DTX1: variants seen among roughly 807,000 people sequenced by gnomAD.
DTX1 encodes the protein E3 ubiquitin-protein ligase DTX1.
A neutral mutation model predicts 57.8 loss-of-function variants in DTX1; 26 were observed. The observed-to-expected ratio is 0.45, with a 90% CI of 0.33 to 0.62. The LOEUF is 0.62. Among genes scored for constraint, DTX1 ranks in the 20% least tolerant of loss-of-function variants. The pLI, the probability that DTX1 is intolerant of heterozygous loss-of-function variation, is 0.02. For missense variants in DTX1, 704 were observed against 895.3 expected (o/e 0.79, Z 2.73); for synonymous variants, 398 against 394.1 (o/e 1.01, Z -0.12).
At chr12:113,078,625 C>T (rs1052757295) in intron 3 of DTX1, among the ~76,000 whole-genome samples, 3 of 152,128 alleles carry the variant, frequency 2.0e-5, no homozygotes, top group Non-Finnish European at 4.4e-5. Flanking sequence ...AGCTATGGTG[C>T]CTTCTCAGGG....
In DTX1 at chr12:113,093,727, C is replaced by T. The variant is rs754064729; in HGVS notation, c.1165+27C>T. The T allele has an allele frequency of 4.2e-5, 68 of 1,610,230 alleles. No homozygotes were observed. Among genetic ancestry groups the T allele is most frequent in the Non-Finnish European group, 5.7e-5 (67 of 1,177,872 alleles). The stretch of plus-strand genomic sequence containing the variant: ...TACGCCCTCCACGCCCTGCCTCACA[C>T]GAGATGAACCCCACTAAGCCTTGAC... On this transcript the variant is annotated intron_variant, in intron 5 of 9. Coordinates refer to ENST00000548759, the MANE Select transcript of DTX1 (RefSeq NM_004416.3). The surrounding 1 kb of genome is among the most constrained non-coding windows in gnomAD (Gnocchi z 4.2).
intron 2 of DTX1, among the ~76,000 whole-genome samples, chr12:113,064,511 C>T (rs977188889): frequency 2.0e-5 from 3 of 152,144 alleles, no homozygotes; most frequent in Non-Finnish European, 4.4e-5. Flanking sequence ...GTTTCAGAGT[C>T]TAGTGAAGGT....
intron 6 of DTX1, 21 bp downstream of exon 6, chr12:113,094,120 C>A: frequency 7.6e-6 from 4 of 528,222 alleles, no homozygotes; most frequent in South Asian, 1.6e-5. Flanking sequence ...GATGGGGGGG[C>A]TGGGGGAGGG....
In DTX1 at chr12:113,096,991, C is replaced by T; in HGVS notation, c.*52C>T. Reference sequence around the variant, plus strand: ...TGCTTTGCCCCTGGTCCGGCAAATGCCTCCTTCGCCAGGTGTGTCCTGGTA... The same window carrying T: ...TGCTTTGCCCCTGGTCCGGCAAATGTCTCCTTCGCCAGGTGTGTCCTGGTA... On this transcript the variant is annotated 3_prime_UTR_variant, in exon 10 of 10. Coordinates refer to ENST00000548759, the MANE Select transcript of DTX1 (RefSeq NM_004416.3). The T allele has an allele frequency of 1.3e-6, 2 of 1,531,518 alleles. No individual in the cohort carries two copies. Among genetic ancestry groups the T allele is most frequent in the Non-Finnish European group, 1.8e-6 (2 of 1,138,802 alleles). The allele number at this position is 1,531,518 out of a possible 1,614,324, so 94.9% of individuals were successfully genotyped here.
At chr12:113,066,933 T>C (rs923377465) in intron 2 of DTX1, among the ~76,000 whole-genome samples, 5 of 151,976 alleles carry the variant, frequency 3.3e-5, no homozygotes. Context: ...CATAGTTGTG[T>C]CCTTGCTCGG....
At chr12:113,078,141 C>T (rs1395108909) in intron 3 of DTX1, 36 bp downstream of exon 3, 29 of 1,317,374 alleles carry the variant, frequency 2.2e-5, no homozygotes, top group Non-Finnish European at 2.6e-5. Flanking sequence ...GCCTCTGCGT[C>T]GTCCGCAGGC....
chr12:113,079,261 G>A (rs909487635), intron 3 of DTX1, among the ~76,000 whole-genome samples: 1 of 152,182 alleles, frequency 6.6e-6, no homozygotes, highest in African/African-American at 2.4e-5. Context: ...AAGAGGAAGA[G>A]AGGGCACCCA....
rs1950332021 is a variant in DTX1, at chr12:113,097,872, C to T, written c.*933C>T. On this transcript the variant is annotated 3_prime_UTR_variant, in exon 10 of 10. Transcript: ENST00000548759. ...GGGTGGCTAATTGTCTTCGGCCAAC[C>T]AGGGGCCTGTTGCCCAGGCAACTCA... is the stretch of plus-strand genomic sequence containing the variant. The T allele has an allele frequency of 6.5e-6, 1 of 152,742 alleles. No individual in the cohort carries two copies. Among genetic ancestry groups the T allele is most frequent in the African/African-American group, 2.4e-5 (1 of 41,472 alleles). 9.5% of individuals were successfully genotyped at this position (152,742 alleles called of 1,614,324 possible). A position where few individuals can be genotyped will look rare whatever the true frequency, so the allele number is the denominator to read the frequency against.
chr12:113,065,539 C>T (rs2044698303), intron 2 of DTX1, among the ~76,000 whole-genome samples: 1 of 152,200 alleles, frequency 6.6e-6, no homozygotes, highest in Non-Finnish European at 1.5e-5. Context: ...CTTCTTCCCT[C>T]CCTCCTCCTC....
At chr12:113,087,414 G>A (rs2044869293) in intron 3 of DTX1, among the ~76,000 whole-genome samples, 1 of 152,140 alleles carries the variant, frequency 6.6e-6, no homozygotes, top group African/African-American at 2.4e-5. Flanking sequence ...GGTCCCCCGG[G>A]CTTGCAGCGA....
intron 2 of DTX1, among the ~76,000 whole-genome samples, chr12:113,072,573 G>A (rs2044743737): frequency 6.6e-6 from 1 of 151,642 alleles, no homozygotes; most frequent in African/African-American, 2.4e-5. Context: ...TTGCCTATAC[G>A]TTATCTCATT....
intron 2 of DTX1, among the ~76,000 whole-genome samples, chr12:113,073,008 G>C (rs528735047): frequency 6.6e-6 from 1 of 151,864 alleles, no homozygotes; most frequent in Admixed American, 6.6e-5. Context: ...CACCTGGCTC[G>C]ACCCGAGAGA....
At chr12:113,082,401 G>A (rs2044825320) in intron 3 of DTX1, among the ~76,000 whole-genome samples, 1 of 152,170 alleles carries the variant, frequency 6.6e-6, no homozygotes, top group South Asian at 2.1e-4. Flanking sequence ...AGGAAGATAG[G>A]GGTGGCAGAC....
chr12:113,087,396 G>A (rs1218428129), intron 3 of DTX1, among the ~76,000 whole-genome samples: 2 of 152,114 alleles, frequency 1.3e-5, no homozygotes, highest in Admixed American at 6.6e-5. Context: ...AGGAGTCCAT[G>A]GGCACCTGGT....
rs1365832564 is a variant in DTX1, at chr12:113,073,548, G to A, written c.260-3876G>A. Among the ~76,000 whole-genome samples, 3 of 152,050 alleles carry A rather than the reference G, an allele frequency of 2.0e-5. 1 individual carries two copies. The highest frequency in any genetic ancestry group is 4.2e-4 in the South Asian group (2 of 4,808). On this transcript the variant is annotated intron_variant, in intron 2 of 9. Transcript: ENST00000548759. The stretch of plus-strand genomic sequence containing the variant: ...CCAACCTCTCCACCTCTTCAACCCC[G>A]CCCCTTTCATATCAATAGCCATAGC...
In DTX1 at chr12:113,097,561, C is replaced by G. The variant is rs140229626; in HGVS notation, c.*622C>G. 2.0e-5 allele frequency: 3 copies of G among 152,382 alleles called. No individual in the cohort carries two copies. The highest frequency in any genetic ancestry group is 4.1e-4 in the South Asian group (2 of 4,832). 9.4% of individuals were successfully genotyped at this position (152,382 alleles called of 1,614,324 possible). A position where few individuals can be genotyped will look rare whatever the true frequency, so the allele number is the denominator to read the frequency against. On this transcript the variant is annotated 3_prime_UTR_variant, in exon 10 of 10. Coordinates refer to ENST00000548759, the MANE Select transcript of DTX1 (RefSeq NM_004416.3). ...TCTACAAAAGAATGGCCAGCACGAG[C>G]GGGGACTAGAGGGTCCTGATTTTGT...
At position 113,077,130 on chromosome 12, in the gene DTX1, C is replaced by T. The variant is rs1189606763; in HGVS notation, c.260-294C>T. 6.6e-6 allele frequency among the ~76,000 whole-genome samples: 1 copy of T among 152,148 alleles called. No individual in the cohort carries two copies. Among genetic ancestry groups the T allele is most frequent in the Non-Finnish European group, 1.5e-5 (1 of 68,022 alleles). ...CCCTACGCCCAATCTACTGACCACGCGCCCCTGCCCACCTCTCGCCCCAGT... is the reference window on the plus strand; with the variant it reads ...CCCTACGCCCAATCTACTGACCACGTGCCCCTGCCCACCTCTCGCCCCAGT... On this transcript the variant is annotated intron_variant, in intron 2 of 9. Transcript: ENST00000548759. The surrounding 1 kb of genome is among the most constrained non-coding windows in gnomAD (Gnocchi z 7.8).
rs1328066266 is a variant in DTX1 at position 113,093,122 on chromosome 12, G to T, written c.942-40G>T. 1 of 1,562,390 alleles carries T rather than the reference G, an allele frequency of 6.4e-7. No individual in the cohort carries two copies. The highest frequency in any genetic ancestry group is 8.7e-7 in the Non-Finnish European group (1 of 1,153,104). ...CCAGGTCCCCTGACGTCGCTTCGGG[G>T]GCTGGAGTCCAGCTGCGGCCTCTTC... On this transcript the variant is annotated intron_variant, in intron 3 of 9. Transcript: ENST00000548759. The surrounding 1 kb of genome is among the most constrained non-coding windows in gnomAD (Gnocchi z 4.2).
chr12:113,071,828 A>G (rs1458271984), intron 2 of DTX1, among the ~76,000 whole-genome samples: 2 of 152,200 alleles, frequency 1.3e-5, no homozygotes, highest in Admixed American at 6.5e-5. Flanking sequence ...CCCAGCGGGG[A>G]GGACAGCAGC....
Sources: gnomAD v4.1 joint callset for allele counts (sites outside exome capture counted in the v4.1 genomes callset) on GRCh38, gnomAD v4.1.1 for gene constraint, Gnocchi (gnomAD v3.1) non-coding constraint, MANE v1.5 for transcripts, NCBI Gene and HGNC (gene_info 2026-07-23, HGNC 2026-07-21) for gene names.